The following ABCC8 variants were observed in gnomAD, a reference collection of about 807,000 sequenced individuals.
ABCC8 encodes the protein ATP-binding cassette sub-family C member 8.
In ABCC8, 137 loss-of-function variants were observed where a neutral mutation model predicts 188.0. The observed-to-expected ratio is 0.73, with a 90% CI of 0.63 to 0.84. The LOEUF (loss-of-function observed/expected upper bound fraction) is 0.84, where lower values mean the gene tolerates loss of function less well. ABCC8 is among the 40% of genes least tolerant of loss of function. The pLI, the probability that ABCC8 is intolerant of heterozygous loss-of-function variation, is 0.00. For synonymous variants in ABCC8, 797 were observed against 846.5 expected (o/e 0.94, Z 1.01); for missense variants, 1,750 against 2,072.7 (o/e 0.84, Z 3.02).
At position 17,453,228 on chromosome 11, in the gene ABCC8, T is replaced by C. The variant is rs59852838; in HGVS notation, c.1067A>G (p.Tyr356Cys). 45 of 1,614,014 alleles carry C rather than the reference T, an allele frequency of 2.8e-5. No individual in the cohort carries two copies. The highest frequency in any genetic ancestry group is 2.2e-5 in the East Asian group (1 of 44,896). ...VSSQEFLANAYVLAVLLFLAL... is the reference protein window; with the variant it reads ...VSSQEFLANACVLAVLLFLAL... ...AAGGAACAGAAGCACAGCTAAGACG[T>C]AGGCATTGGCAAGGAACTCTTGGGA... The change falls in exon 7 of 39, where the codon TAC becomes TGC. Residue 356 changes from tyrosine to cysteine, a missense_variant. Coordinates refer to ENST00000389817, the MANE Select transcript of ABCC8 (RefSeq NM_000352.6).
At chr11:17,399,830 T>C (rs1405195832) in intron 29 of ABCC8, among the ~76,000 whole-genome samples, 1 of 152,210 alleles carries the variant, frequency 6.6e-6, no homozygotes, top group African/African-American at 2.4e-5. Flanking sequence ...CACAGGGAAC[T>C]CTGGAGGCTT....
intron 6 of ABCC8, among the ~76,000 whole-genome samples, chr11:17,458,388 G>A (rs910697139): frequency 6.6e-6 from 1 of 152,224 alleles, no homozygotes; most frequent in Non-Finnish European, 1.5e-5. Flanking sequence ...AAAATTCTAA[G>A]TGCTTTCGCC....
intron 1 of ABCC8, 36 bp downstream of exon 1, chr11:17,476,593 C>T (rs1050188753): frequency 1.9e-6 from 3 of 1,604,882 alleles, no homozygotes; most frequent in African/African-American, 2.7e-5. Flanking sequence ...CCCTGCTCTC[C>T]CGTCCCCTCC....
chr11:17,474,920 C>T lies in ABCC8; in HGVS notation c.256G>A (p.Val86Met). ...AGGATGCCCTCTGCAATCTCACACACCAGGACGAAGAGCAGCATGAAGGTC... is the reference window on the plus strand; with the variant it reads ...AGGATGCCCTCTGCAATCTCACACATCAGGACGAAGAGCAGCATGAAGGTC... ...ILTFMLLFVLVCEIAEGILSD... is the reference protein window; with the variant it reads ...ILTFMLLFVLMCEIAEGILSD... Residue 86 changes from valine (V) to methionine (M), a missense_variant, in exon 2 of 39, where the codon GTG becomes ATG. Transcript: ENST00000389817. 1 of 1,614,220 alleles carries T rather than the reference C, an allele frequency of 6.2e-7. No homozygotes were observed. The highest frequency in any genetic ancestry group is 8.5e-7 in the Non-Finnish European group (1 of 1,180,044).
intron 2 of ABCC8, among the ~76,000 whole-genome samples, chr11:17,474,344 A>G (rs1402307949): frequency 6.6e-6 from 1 of 152,178 alleles, no homozygotes; most frequent in Non-Finnish European, 1.5e-5. Context: ...ACTTTAACAT[A>G]CAGTGTGATC....
At chr11:17,471,086 C>T (rs1299156976) in intron 2 of ABCC8, among the ~76,000 whole-genome samples, 2 of 152,258 alleles carry the variant, frequency 1.3e-5, no homozygotes, top group African/African-American at 4.8e-5. Flanking sequence ...CCCTGTGGTA[C>T]CCACTCCATT....
At chr11:17,417,056 C>T (rs1166232126) in intron 16 of ABCC8, 94 bp from the exon 17 acceptor site, 8 of 1,586,418 alleles carry the variant, frequency 5.0e-6, no homozygotes, top group East Asian at 2.3e-5. Flanking sequence ...GCAATCCCCA[C>T]CTCCAACCCT....
chr11:17,434,983 G>A (rs929913720), intron 10 of ABCC8, among the ~76,000 whole-genome samples: 6 of 98,386 alleles, frequency 6.1e-5, no homozygotes, highest in African/African-American at 1.3e-4. Flanking sequence ...GCGTGTGTTC[G>A]CGTGTGTGTG....
Position 17,432,230 on chromosome 11 carries a change from C to A in ABCC8, c.1645G>T (p.Ala549Ser). The A allele has an allele frequency of 6.4e-7, 1 of 1,552,618 alleles. No homozygotes were observed. Reference protein sequence around the residue: ...YTSISIFMNTAIPIAAVLITF... With the variant: ...YTSISIFMNTSIPIAAVLITF... Reference sequence around the variant, plus strand: ...ATGAGGACAGCTGCAATGGGGATGGCCGTGTTCATGAAAACTGCAGAGGAA... The same window carrying A: ...ATGAGGACAGCTGCAATGGGGATGGACGTGTTCATGAAAACTGCAGAGGAA... The change falls in exon 11 of 39, where the codon GCC (alanine) becomes TCC (serine). Residue 549 changes from alanine (A) to serine (S), a missense_variant. Ala to Ser is a moderately conservative substitution (Grantham distance 99). Coordinates refer to ENST00000389817, the MANE Select transcript of ABCC8 (RefSeq NM_000352.6).
chr11:17,464,744 C>A (rs372592268), intron 3 of ABCC8, among the ~76,000 whole-genome samples: 3 of 152,232 alleles, frequency 2.0e-5, no homozygotes, highest in Non-Finnish European at 2.9e-5. Flanking sequence ...CTTCCAACAA[C>A]CAAAACCAGC....
At position 17,405,549 on chromosome 11, in the gene ABCC8, G is replaced by C. The variant is rs764051832; in HGVS notation, c.3344C>G (p.Thr1115Arg). 5.0e-6 allele frequency: 8 copies of C among 1,614,252 alleles called. No homozygotes were observed. Among genetic ancestry groups the C allele is most frequent in the Non-Finnish European group, 2.5e-6 (3 of 1,180,042 alleles). Residue 1115 changes from threonine to arginine, a missense_variant, in exon 27 of 39, where the codon ACG (threonine) becomes AGG (arginine). Coordinates refer to ENST00000389817, the MANE Select transcript of ABCC8 (RefSeq NM_000352.6). Reference sequence around the variant, plus strand: ...TCTGTTCAGGATGCTCCCAAGGGGCGTGGTCTCAAAAAACCTAAGAGGCAG... The same window carrying C: ...TCTGTTCAGGATGCTCCCAAGGGGCCTGGTCTCAAAAAACCTAAGAGGCAG... Reference protein sequence around the residue: ...ILAPMRFFETTPLGSILNRFS... With the variant: ...ILAPMRFFETRPLGSILNRFS...
At chr11:17,432,939 T>A (rs1345940052) in intron 10 of ABCC8, among the ~76,000 whole-genome samples, 1 of 152,204 alleles carries the variant, frequency 6.6e-6, no homozygotes, top group Non-Finnish European at 1.5e-5. Flanking sequence ...GCATGTCATT[T>A]ACCTTCCCCG....
intron 31 of ABCC8, 171 bp downstream of exon 31, chr11:17,397,513 G>C (rs991073152): frequency 1.6e-5 from 22 of 1,414,464 alleles, no homozygotes; most frequent in Non-Finnish European, 2.1e-5. Context: ...CCTGTCTGGG[G>C]CCTGGGCCCT....
At chr11:17,423,129 C>T (rs545848368) in intron 16 of ABCC8, among the ~76,000 whole-genome samples, 1 of 151,882 alleles carries the variant, frequency 6.6e-6, no homozygotes, top group African/African-American at 2.4e-5. Context: ...GAGGCTGAGG[C>T]GGGCGGATCA....
chr11:17,441,848 G>A (rs1252072403), intron 10 of ABCC8, among the ~76,000 whole-genome samples: 2 of 152,228 alleles, frequency 1.3e-5, no homozygotes, highest in African/African-American at 4.8e-5. Flanking sequence ...TTGGGAGGCT[G>A]AGGCGGGTGG....
At chr11:17,392,634 G>A, downstream of ABCC8, 1 of 370,762 alleles carries the variant, frequency 2.7e-6, no homozygotes, top group Non-Finnish European at 5.2e-6. Context: ...GAGGCCTCAG[G>A]AGAAACCAAA....
chr11:17,467,085 C>CACACACACACAA (rs1554945177), intron 3 of ABCC8, among the ~76,000 whole-genome samples: 1 of 150,680 alleles, frequency 6.6e-6, no homozygotes, highest in Non-Finnish European at 1.5e-5. Context: ...CACACACACA[C>CACACACACACAA]AACTTCCCAT....
Position 17,397,305 on chromosome 11 carries a change from G to C in ABCC8, c.3876C>G (p.Asn1292Lys). 1 of 1,611,840 alleles carries C rather than the reference G, an allele frequency of 6.2e-7. No homozygotes were observed. The highest frequency in any genetic ancestry group is 8.5e-7 in the Non-Finnish European group (1 of 1,180,000). Residue 1292 changes from asparagine to lysine, a missense_variant, in exon 32 of 39, where the codon AAC (asparagine) becomes AAG (lysine). By Grantham distance (94) the Asn-to-Lys change is moderately conservative. Coordinates refer to ENST00000389817, the MANE Select transcript of ABCC8 (RefSeq NM_000352.6). ...LGLTYALMVSNYLNWMVRNLA... is the reference protein window; with the variant it reads ...LGLTYALMVSKYLNWMVRNLA... ...GGTTCCTCACCATCCAGTTGAGGTA[G>C]TTGGAGACCTGTGGGGAGCAAGCCA... is the stretch of plus-strand genomic sequence containing the variant.
At chr11:17,412,383 A>G (rs1954854320) in intron 21 of ABCC8, among the ~76,000 whole-genome samples, 3 of 152,178 alleles carry the variant, frequency 2.0e-5, no homozygotes, top group Admixed American at 1.3e-4. Context: ...ATAAGTGTTG[A>G]GGGGTTGGGC....
Sources: gnomAD v4.1 joint callset for allele counts (sites outside exome capture counted in the v4.1 genomes callset) on GRCh38, gnomAD v4.1.1 for gene constraint, MANE v1.5 for transcripts, NCBI Gene and HGNC (gene_info 2026-07-23, HGNC 2026-07-21) for gene names.